Variants in PTGER3 observed in about 807,000 individuals in gnomAD.
PTGER3 encodes the protein prostaglandin E2 receptor EP3 subtype.
In PTGER3, 22 loss-of-function variants were observed where a neutral mutation model predicts 34.7. That is an observed-to-expected ratio of 0.63 (90% CI 0.45 to 0.91). The LOEUF (loss-of-function observed/expected upper bound fraction) is 0.91. Ranked by LOEUF, PTGER3 falls within the 40% of genes least tolerant of loss-of-function variation. The pLI is 0.00. For synonymous variants in PTGER3, 241 were observed against 230.1 expected (o/e 1.05, Z -0.43); for missense variants, 468 against 519.4 (o/e 0.90, Z 0.96).
Position 70,976,686 on chromosome 1 carries a change from G to A in PTGER3, c.1078-2298C>T, listed in dbSNP as rs149487142. Among the ~76,000 whole-genome samples the A allele has an allele frequency of 3.5e-3, 537 of 152,142 alleles. 7 individuals carry two copies. Among genetic ancestry groups the A allele is most frequent in the Admixed American group, 0.025 (387 of 15,278 alleles). On this transcript the variant is annotated intron_variant, in intron 2 of 3. Coordinates refer to ENST00000306666, the MANE Select transcript of PTGER3 (RefSeq NM_198719.2). Reference sequence around the variant, plus strand: ...AAGTTTCCCATTTCTAAAAGATAAAGACTACCATATGTCAGGTGATGCCAA... The same window carrying A: ...AAGTTTCCCATTTCTAAAAGATAAAAACTACCATATGTCAGGTGATGCCAA...
chr1:70,901,035 C>T (rs1034269767), intron 4 of PTGER3, among the ~76,000 whole-genome samples: 2 of 152,032 alleles, frequency 1.3e-5, no homozygotes, highest in African/African-American at 4.8e-5. Flanking sequence ...GAAACCATGC[C>T]GTATGTGGTA....
intron 2 of PTGER3, among the ~76,000 whole-genome samples, chr1:70,978,703 T>C (rs1463978427): frequency 6.6e-6 from 1 of 152,172 alleles, no homozygotes; most frequent in Non-Finnish European, 1.5e-5. Context: ...ATATTCACCA[T>C]CATCTACTTT....
intron 2 of PTGER3, chr1:71,012,062 G>A: frequency 1.4e-6 from 2 of 1,445,716 alleles, no homozygotes; most frequent in South Asian, 3.0e-5. Context: ...TTGGCACATA[G>A]GGATTTTCTA....
chr1:70,960,609 T>A (rs1343473449), intron 2 of PTGER3, among the ~76,000 whole-genome samples: 1 of 152,134 alleles, frequency 6.6e-6, no homozygotes, highest in Non-Finnish European at 1.5e-5. Context: ...AATGTCATTC[T>A]ATCAATGTCT....
rs539396334 is a variant in PTGER3 at position 71,036,787 on chromosome 1, C to T, written c.897+9894G>A. ...CCAGGAGGCGGAGCTTGCAGTGAGCCGAGATCGTGCTACTGTACTCCAGCC... is the reference window on the plus strand; with the variant it reads ...CCAGGAGGCGGAGCTTGCAGTGAGCTGAGATCGTGCTACTGTACTCCAGCC... On this transcript the variant is annotated intron_variant, in intron 1 of 3. Transcript: ENST00000306666. Among the ~76,000 whole-genome samples the T allele has an allele frequency of 5.8e-4, 87 of 150,030 alleles. 1 individual carries two copies. Among genetic ancestry groups the T allele is most frequent in the Admixed American group, 5.1e-3 (76 of 15,042 alleles).
intron 2 of PTGER3, among the ~76,000 whole-genome samples, chr1:70,998,542 T>G (rs1004777664): frequency 6.6e-6 from 1 of 152,304 alleles, no homozygotes; most frequent in Non-Finnish European, 1.5e-5. Context: ...ATCATTCATT[T>G]AATTGGTGGT....
At chr1:70,971,854 A>T (rs1653118215) in intron 3 of PTGER3, 121 bp from the exon 4 acceptor site, 1 of 638,948 alleles carries the variant, frequency 1.6e-6, no homozygotes, top group East Asian at 2.9e-5. Context: ...AACGTTTAAA[A>T]CATTCTCTTT....
intron 2 of PTGER3, among the ~76,000 whole-genome samples, chr1:70,996,265 G>A (rs994359292): frequency 3.3e-5 from 5 of 151,748 alleles, no homozygotes; most frequent in Non-Finnish European, 7.4e-5. Context: ...GAATTAGGTT[G>A]AATAGTTAAG....
intron 1 of PTGER3, among the ~76,000 whole-genome samples, chr1:71,032,388 C>T (rs753538428): frequency 1.3e-5 from 2 of 152,004 alleles, no homozygotes; most frequent in African/African-American, 2.4e-5. Context: ...TAAAACAAAA[C>T]AATAGAAAAA....
chr1:70,871,010 T>C (rs1347629517), intron 4 of PTGER3, among the ~76,000 whole-genome samples: 1 of 152,226 alleles, frequency 6.6e-6, no homozygotes, highest in East Asian at 1.9e-4. Context: ...TATCTATCTT[T>C]ATAGCAATGC....
rs753998313 is a variant in PTGER3 at position 70,971,097 on chromosome 1, T to A, written c.*633A>T. On this transcript the variant is annotated 3_prime_UTR_variant, in exon 4 of 4. Coordinates refer to ENST00000306666, the MANE Select transcript of PTGER3 (RefSeq NM_198719.2). ...GCTTAGAAATAACAATTAAGCAGATTCCTGAGTTACTAAATGACACATAAC... is the reference window on the plus strand; with the variant it reads ...GCTTAGAAATAACAATTAAGCAGATACCTGAGTTACTAAATGACACATAAC... 1 of 985,328 alleles carries A rather than the reference T, an allele frequency of 1.0e-6. No homozygotes were observed. The highest frequency in any genetic ancestry group is 1.2e-6 in the Non-Finnish European group (1 of 829,902). 61.0% of individuals were successfully genotyped at this position (985,328 alleles called of 1,614,324 possible).
rs112884310 is a variant in PTGER3, at chr1:70,939,348, G to A, written c.*23+14415C>T. Among the ~76,000 whole-genome samples the A allele has an allele frequency of 4.4e-3, 665 of 152,332 alleles. 6 individuals are homozygous for A. Among genetic ancestry groups the A allele is most frequent in the African/African-American group, 0.015 (626 of 41,576 alleles). ...CATGAGCTAGTGTTGAGTGTCTGCAGCTTTTCCAGGACCATGGTGCAAGCT... is the reference window on the plus strand; with the variant it reads ...CATGAGCTAGTGTTGAGTGTCTGCAACTTTTCCAGGACCATGGTGCAAGCT... On this transcript the variant is annotated intron_variant, in intron 4 of 4. Transcript: ENST00000370931.
chr1:70,981,320 CTTCTTTCTTTCTTTCTTTCTTTCT>C (rs57513190), intron 2 of PTGER3, among the ~76,000 whole-genome samples: 68 of 71,356 alleles, frequency 9.5e-4, no homozygotes, highest in African/African-American at 3.6e-3. Flanking sequence ...TCCTTCCTTT[CTTCTTTCTTTCTTTCTTTCTTTCT>C]TTCTTTCTTT....
intron 4 of PTGER3, among the ~76,000 whole-genome samples, chr1:70,910,874 A>C (rs1467582765): frequency 6.6e-6 from 1 of 151,984 alleles, no homozygotes; most frequent in African/African-American, 2.4e-5. Context: ...CGAGGTCAGG[A>C]ATTTGAGACC....
chr1:71,026,207 A>T (rs5024204), intron 1 of PTGER3, among the ~76,000 whole-genome samples: 44,036 of 152,074 alleles, frequency 0.29, 6,796 homozygotes, highest in East Asian at 0.44. Context: ...CTTTACAGCT[A>T]ACTCTTGTCC....
intron 4 of PTGER3, among the ~76,000 whole-genome samples, chr1:70,908,463 A>G (rs74089140): frequency 1.3e-5 from 2 of 152,126 alleles, no homozygotes; most frequent in Admixed American, 6.5e-5. Context: ...TGATGCTTGC[A>G]TCTGTACTGG....
At chr1:70,893,830 C>T (rs896325674) in intron 4 of PTGER3, among the ~76,000 whole-genome samples, 1 of 152,142 alleles carries the variant, frequency 6.6e-6, no homozygotes, top group African/African-American at 2.4e-5. Flanking sequence ...TTTGTTGCTT[C>T]CTTGATATTT....
At chr1:70,895,980 C>T (rs1646715583) in intron 4 of PTGER3, among the ~76,000 whole-genome samples, 1 of 152,174 alleles carries the variant, frequency 6.6e-6, no homozygotes, top group Admixed American at 6.5e-5. Flanking sequence ...TGCATATGTG[C>T]ATGTTGTCTG....
intron 3 of PTGER3, 45 bp from the exon 4 acceptor site, chr1:70,971,778 T>A (rs1653108282): frequency 1.5e-6 from 2 of 1,370,164 alleles, no homozygotes; most frequent in African/African-American, 2.9e-5. Context: ...TGGATGGGGA[T>A]TATTTTTTTT....
Sources: allele counts gnomAD v4.1 joint callset (sites outside exome capture counted in the v4.1 genomes callset), GRCh38; gene constraint gnomAD v4.1.1; transcripts MANE v1.5; gene names NCBI Gene and HGNC (gene_info 2026-07-23, HGNC 2026-07-21).